TNS1: variants seen among roughly 807,000 people sequenced by gnomAD.
TNS1 encodes the protein tensin-1.
Under a neutral mutation model 168.6 loss-of-function variants are expected in TNS1, and 62 were observed. That is an observed-to-expected ratio of 0.37 (90% confidence interval 0.30 to 0.45). The LOEUF (loss-of-function observed/expected upper bound fraction) is 0.45, where lower values mean the gene tolerates loss of function less well. TNS1 is among the 20% of genes least tolerant of loss of function. The pLI is 1.00. For synonymous variants in TNS1, 934 were observed against 933.2 expected, an observed-to-expected ratio of 1.00 and a Z score of -0.02; for missense variants, 2,240 against 2,339.4, an observed-to-expected ratio of 0.96 and a Z score of 0.88.
intron 18 of TNS1, chr2:217,850,197 C>A (rs985356551): frequency 1.0e-6 from 1 of 985,380 alleles, no homozygotes; most frequent in Non-Finnish European, 1.2e-6. Context: ...CTGCTCTGAG[C>A]CAGCCCGGGG....
At position 217,888,298 on chromosome 2, in the gene TNS1, TCTC is replaced by T. The variant is rs773186624; in HGVS notation, c.867-1655_867-1653del. Among the ~76,000 whole-genome samples, 5 of 152,020 alleles carry T rather than the reference TCTC, an allele frequency of 3.3e-5. No homozygotes were observed. The East Asian group carries it at 5.8e-4, about 18-fold the overall frequency. ...CTCCCTCTCTCTTTCCCTGCCCTCC[TCTC>T]CTCCATCTGCTCCATTCCCTGCAAG... On this transcript the variant is annotated intron_variant, in intron 12 of 32. Coordinates refer to ENST00000682258, the MANE Select transcript of TNS1 (RefSeq NM_001387777.1).
At position 217,847,815 on chromosome 2, in the gene TNS1, G is replaced by C; in HGVS notation, c.2702C>G (p.Pro901Arg). 1 of 1,598,762 alleles carries C rather than the reference G, an allele frequency of 6.3e-7. No individual in the cohort carries two copies. Among genetic ancestry groups the C allele is most frequent in the African/African-American group, 1.3e-5 (1 of 74,774 alleles). The change falls in exon 19 of 33, where the codon CCT (proline) becomes CGT (arginine). Residue 901 changes from proline (P) to arginine (R), a missense_variant. Coordinates refer to ENST00000682258, the MANE Select transcript of TNS1 (RefSeq NM_001387777.1). ...YIPSGHSLGTPEPAPRASLES... is the reference protein window; with the variant it reads ...YIPSGHSLGTREPAPRASLES... ...CAGAGAGGCCCGTGGGGCTGGCTCA[G>C]GGGTTCCCAACGAATGCCCACTGGG...
intron 22 of TNS1, among the ~76,000 whole-genome samples, chr2:217,822,704 C>T (rs571255494): frequency 7.3e-4 from 111 of 152,294 alleles, no homozygotes; most frequent in Admixed American, 1.2e-3. Context: ...GGGGGACACA[C>T]GCTAGAAAAG....
In TNS1 at chr2:217,886,026, C is replaced by A. The variant is rs76472463; in HGVS notation, c.1040+18G>T. On this transcript the variant is annotated intron_variant, in intron 14 of 32. Transcript: ENST00000682258. ...GGCCTTGGGCTTCTCTGGCCTCTCA[C>A]GCCCATGTAATACTTACTAGATGCC... 1 of 1,613,718 alleles carries A rather than the reference C, an allele frequency of 6.2e-7. No homozygotes were observed. Among genetic ancestry groups the A allele is most frequent in the South Asian group, 1.1e-5 (1 of 91,030 alleles).
At chr2:217,876,957 T>C (rs962603129) in intron 18 of TNS1, among the ~76,000 whole-genome samples, 1 of 152,130 alleles carries the variant, frequency 6.6e-6, no homozygotes, top group Admixed American at 6.5e-5. Context: ...CCAGAGCAGA[T>C]TAATAATACT....
At chr2:218,030,888 C>A (rs111989532) in intron 1 of TNS1, among the ~76,000 whole-genome samples, 1 of 151,748 alleles carries the variant, frequency 6.6e-6, no homozygotes, top group Non-Finnish European at 1.5e-5. Context: ...TGTGTGTAAG[C>A]GTGTGTGTAT....
At chr2:217,819,081 C>T (rs1486753119) in intron 23 of TNS1, among the ~76,000 whole-genome samples, 2 of 152,218 alleles carry the variant, frequency 1.3e-5, no homozygotes, top group Non-Finnish European at 2.9e-5. Context: ...GTGAAGAGCC[C>T]TCTCCTATCG....
rs76373965 is a variant in TNS1 at position 217,906,939 on chromosome 2, G to A, written c.270+271C>T. Among the ~76,000 whole-genome samples the A allele has an allele frequency of 9.4e-3, 1,437 of 152,108 alleles. 28 individuals are homozygous for A. Among genetic ancestry groups the A allele is most frequent in the African/African-American group, 0.033 (1,356 of 41,480 alleles). ...ATAAGGAAGCCCACATTTAACCACC[G>A]GCTGCTCCCTCTCAGCTCCCACCCT... On this transcript the variant is annotated intron_variant, in intron 5 of 32. Transcript: ENST00000682258.
Position 218,002,975 on chromosome 2 carries a change from G to C in TNS1, c.-103C>G. ...AGAAGGGCTCTCTGAGTCCGCGGCT[G>C]CTCCGGCTCCGCCAGCATCTGCTGG... is the stretch of plus-strand genomic sequence containing the variant. On this transcript the variant is annotated 5_prime_UTR_variant, in exon 1 of 33. Transcript: ENST00000682258. The C allele has an allele frequency of 2.2e-6, 1 of 454,324 alleles. No individual in the cohort carries two copies. The allele number at this position is 454,324 out of a possible 1,614,324, so 28.1% of individuals were successfully genotyped here. A position where few individuals can be genotyped will look rare whatever the true frequency, so the allele number is the denominator to read the frequency against.
chr2:217,861,645 A>G (rs1948793258), intron 18 of TNS1, among the ~76,000 whole-genome samples: 1 of 152,244 alleles, frequency 6.6e-6, no homozygotes, highest in African/African-American at 2.4e-5. Context: ...AGCTTAAGGC[A>G]ACCCTGAGCC....
chr2:217,979,665 C>T (rs946830988), intron 2 of TNS1, among the ~76,000 whole-genome samples: 1 of 152,100 alleles, frequency 6.6e-6, no homozygotes, highest in Non-Finnish European at 1.5e-5. Flanking sequence ...TCTGGGACTC[C>T]ACCAAGGGAT....
Position 217,906,322 on chromosome 2 carries a change from C to T in TNS1, c.321+13G>A, listed in dbSNP as rs1195923917. 4.3e-6 allele frequency: 3 copies of T among 701,978 alleles called. No homozygotes were observed. Among genetic ancestry groups the T allele is most frequent in the Non-Finnish European group, 7.8e-6 (3 of 384,664 alleles). 43.5% of individuals were successfully genotyped at this position (701,978 alleles called of 1,614,324 possible). A position where few individuals can be genotyped will look rare whatever the true frequency, so the allele number is the denominator to read the frequency against. On this transcript the variant is annotated intron_variant, in intron 6 of 32. Coordinates refer to ENST00000682258, the MANE Select transcript of TNS1 (RefSeq NM_001387777.1). Reference sequence around the variant, plus strand: ...GGCCCAGCCCCATCCTTCTTCTCCCCATCCACACTCACGTTGTCCTCGAGG... The same window carrying T: ...GGCCCAGCCCCATCCTTCTTCTCCCTATCCACACTCACGTTGTCCTCGAGG...
intron 3 of TNS1, among the ~76,000 whole-genome samples, chr2:217,953,501 G>A (rs1575133930): frequency 6.6e-6 from 1 of 152,216 alleles, no homozygotes; most frequent in South Asian, 2.1e-4. Flanking sequence ...GTTGGGTTTT[G>A]GGATTTTTCT....
intron 18 of TNS1, among the ~76,000 whole-genome samples, chr2:217,869,855 G>A (rs949276715): frequency 9.2e-5 from 14 of 152,170 alleles, no homozygotes; most frequent in Admixed American, 3.9e-4. Flanking sequence ...AGGGACCCCC[G>A]GGGAACACCA....
intron 3 of TNS1, among the ~76,000 whole-genome samples, chr2:217,956,646 ACTCACACACACACAG>A (rs1957370233): frequency 6.6e-6 from 1 of 152,070 alleles, no homozygotes; most frequent in Non-Finnish European, 1.5e-5. Context: ...ACACCCACAC[ACTCACACACACACAG>A]CTCACACACA....
At chr2:217,858,645 G>C in intron 18 of TNS1, 1 of 780,564 alleles carries the variant, frequency 1.3e-6, no homozygotes, top group South Asian at 6.0e-5. Flanking sequence ...GGGGTGGGAG[G>C]AGCCAGTGCC....
At chr2:217,858,780 A>T (rs1948482782) in intron 18 of TNS1, 1 of 154,982 alleles carries the variant, frequency 6.5e-6, no homozygotes, top group African/African-American at 2.4e-5. Context: ...GGCTTGTAGG[A>T]AGCCAGTGGG....
At chr2:217,805,849 C>A (rs1297947389) in intron 32 of TNS1, among the ~76,000 whole-genome samples, 2 of 141,140 alleles carry the variant, frequency 1.4e-5, no homozygotes, top group African/African-American at 5.3e-5. Flanking sequence ...CATATACACA[C>A]CACACACAAC....
intron 32 of TNS1, among the ~76,000 whole-genome samples, chr2:217,806,991 C>G (rs1284364900): frequency 6.6e-6 from 1 of 152,238 alleles, no homozygotes; most frequent in Non-Finnish European, 1.5e-5. Flanking sequence ...AATATCTGCT[C>G]TTTCCACCTC....
Sources: gnomAD v4.1 joint callset for allele counts (sites outside exome capture counted in the v4.1 genomes callset) on GRCh38, gnomAD v4.1.1 for gene constraint, MANE v1.5 for transcripts, NCBI Gene and HGNC (gene_info 2026-07-23, HGNC 2026-07-21) for gene names.